The following PIK3C2G variants were observed in gnomAD, a reference collection of about 807,000 sequenced individuals.
The protein encoded by PIK3C2G is phosphatidylinositol-4-phosphate 3-kinase catalytic subunit type 2 gamma.
A neutral mutation model predicts 181.1 loss-of-function variants in PIK3C2G; 168 were observed. The observed-to-expected ratio is 0.93, with a 90% confidence interval of 0.82 to 1.05. The LOEUF is 1.05. Ranked by LOEUF, PIK3C2G falls within the 50% of genes least tolerant of loss-of-function variation. The probability of loss-of-function intolerance (pLI) is 0.00; values close to 1 mark genes in which losing one functional copy is unlikely to be tolerated. For synonymous variants in PIK3C2G, 573 were observed against 592.2 expected (o/e 0.97, Z 0.47); for missense variants, 1,869 against 1,732.8 (o/e 1.08, Z -1.40).
chr12:18,276,172 C>T (rs779207812), intron 1 of PIK3C2G, among the ~76,000 whole-genome samples: 8 of 152,130 alleles, frequency 5.3e-5, no homozygotes, highest in African/African-American at 1.2e-4. Flanking sequence ...TCAAATGCCA[C>T]TAGGTTGTAC....
At chr12:18,416,251 A>AAAAAGAAAAGAAAAG (rs151162608) in intron 16 of PIK3C2G, among the ~76,000 whole-genome samples, 2 of 151,462 alleles carry the variant, frequency 1.3e-5, no homozygotes, top group East Asian at 3.9e-4. Context: ...TCTCAAAAAG[A>AAAAAGAAAAGAAAAG]AAAAGAAAAG....
the PIK3C2G span, among the ~76,000 whole-genome samples, chr12:18,718,326 C>T: frequency 6.6e-6 from 1 of 152,146 alleles, no homozygotes. Flanking sequence ...TCATCTTCTA[C>T]CTCCACTCTG....
At chr12:18,473,408 G>A (rs1938642356) in intron 18 of PIK3C2G, among the ~76,000 whole-genome samples, 1 of 152,114 alleles carries the variant, frequency 6.6e-6, no homozygotes, top group Non-Finnish European at 1.5e-5. Flanking sequence ...AAGACAAAAT[G>A]CCCTGTGTAT....
intron 4 of PIK3C2G, among the ~76,000 whole-genome samples, chr12:18,292,212 A>AC: frequency 1.4e-5 from 1 of 69,406 alleles, no homozygotes; most frequent in African/African-American, 5.8e-5. Context: ...CTCCATCTCA[A>AC]AAAAAAAAAA....
intron 13 of PIK3C2G, among the ~76,000 whole-genome samples, chr12:18,375,703 A>G (rs1942387244): frequency 6.6e-6 from 1 of 152,234 alleles, no homozygotes; most frequent in Non-Finnish European, 1.5e-5. Flanking sequence ...TTTCAGAGAT[A>G]TTCCAGGCAG....
the PIK3C2G span, chr12:18,701,857 A>G: frequency 3.3e-5 from 50 of 1,524,154 alleles, no homozygotes; most frequent in African/African-American, 6.2e-4. Flanking sequence ...GTGTTTCACT[A>G]TATTTCCAAT....
Position 18,282,617 on chromosome 12 carries a change from A to C in PIK3C2G, c.536A>C (p.Asn179Thr). The stretch of plus-strand genomic sequence containing the variant: ...TTTGAAAGTAGCATTCCTCCAACAA[A>C]TTCATCCTTCTCAAGTGACTTCATG... ...IGFESSIPPT[N>T]SSFSSDFMPK... Residue 179 changes from asparagine (N) to threonine (T), a missense_variant, in exon 2 of 33, where the codon AAT becomes ACT. Coordinates refer to ENST00000538779, the MANE Select transcript of PIK3C2G (RefSeq NM_001288772.2). 1 of 1,613,236 alleles carries C rather than the reference A, an allele frequency of 6.2e-7. No individual in the cohort carries two copies. Among genetic ancestry groups the C allele is most frequent in the Non-Finnish European group, 8.5e-7 (1 of 1,179,292 alleles).
chr12:18,719,125 A>ATGC, the PIK3C2G span, among the ~76,000 whole-genome samples: 1 of 152,170 alleles, frequency 6.6e-6, no homozygotes, highest in Non-Finnish European at 1.5e-5. Flanking sequence ...TCTTCTTCAT[A>ATGC]TGCTTTCCTT....
chr12:18,713,014 T>C, the PIK3C2G span: 2 of 1,613,214 alleles, frequency 1.2e-6, no homozygotes, highest in Non-Finnish European at 1.7e-6. Context: ...AAATAAAATG[T>C]TACTCCTGGA....
chr12:18,705,220 C>G, the PIK3C2G span: 1 of 1,614,022 alleles, frequency 6.2e-7, no homozygotes, highest in Non-Finnish European at 8.5e-7. Context: ...AAAGCAAGGA[C>G]TCTCCAAAAG....
At chr12:18,308,246 A>T (rs1950500743) in intron 5 of PIK3C2G, among the ~76,000 whole-genome samples, 2 of 152,006 alleles carry the variant, frequency 1.3e-5, no homozygotes, top group South Asian at 4.1e-4. Context: ...AACAGCAGAG[A>T]TTTAATCTTA....
intron 29 of PIK3C2G, 73 bp downstream of exon 29, chr12:18,567,130 G>C: frequency 1.3e-6 from 1 of 742,830 alleles, no homozygotes; most frequent in South Asian, 1.8e-5. Context: ...GAGTGTGGTG[G>C]TTTATGTCTG....
chr12:18,585,214 G>A (rs1347998176), intron 29 of PIK3C2G, among the ~76,000 whole-genome samples: 1 of 152,000 alleles, frequency 6.6e-6, no homozygotes, highest in Non-Finnish European at 1.5e-5. Context: ...GAATGTAAAT[G>A]GGCTAAATAC....
At chr12:18,672,739 A>G in the PIK3C2G span, among the ~76,000 whole-genome samples, 1 of 152,158 alleles carries the variant, frequency 6.6e-6, no homozygotes, top group Non-Finnish European at 1.5e-5. Flanking sequence ...TGAGGAATAG[A>G]TGCCTTGAAC....
intron 31 of PIK3C2G, among the ~76,000 whole-genome samples, chr12:18,617,916 T>A (rs2136647228): frequency 6.6e-6 from 1 of 152,308 alleles, no homozygotes; most frequent in Non-Finnish European, 1.5e-5. Flanking sequence ...AGAATTAAAA[T>A]TAGCTCTTCC....
At chr12:18,503,821 A>G (rs190756138) in intron 23 of PIK3C2G, among the ~76,000 whole-genome samples, 7 of 152,224 alleles carry the variant, frequency 4.6e-5, no homozygotes, top group African/African-American at 1.7e-4. Flanking sequence ...TGCAAAATGC[A>G]AAACAGAGTT....
chr12:18,276,864 G>A (rs1421477030), intron 1 of PIK3C2G, among the ~76,000 whole-genome samples: 1 of 152,142 alleles, frequency 6.6e-6, no homozygotes, highest in African/African-American at 2.4e-5. Flanking sequence ...TCAAAAATGA[G>A]AATAAATGAT....
intron 5 of PIK3C2G, among the ~76,000 whole-genome samples, chr12:18,296,897 T>C (rs1949963882): frequency 6.6e-6 from 1 of 152,102 alleles, no homozygotes; most frequent in Non-Finnish European, 1.5e-5. Flanking sequence ...TGATAAATAA[T>C]AGAAGAAAAG....
chr12:18,402,423 G>A (rs1944296987), intron 16 of PIK3C2G, among the ~76,000 whole-genome samples: 1 of 152,112 alleles, frequency 6.6e-6, no homozygotes, highest in African/African-American at 2.4e-5. Flanking sequence ...GTTTCCTTTT[G>A]TGGTTATAAT....
Sources: gnomAD v4.1 joint callset for allele counts (sites outside exome capture counted in the v4.1 genomes callset) on GRCh38, gnomAD v4.1.1 for gene constraint, MANE v1.5 for transcripts, NCBI Gene and HGNC (gene_info 2026-07-23, HGNC 2026-07-21) for gene names.